ZNF407: variants seen among roughly 807,000 people sequenced by gnomAD.
The protein encoded by ZNF407 is zinc finger protein 407.
ZNF407 carries 17 observed loss-of-function variants against 131.2 expected under a neutral mutation model. The observed-to-expected ratio is 0.13, with a 90% confidence interval of 0.09 to 0.19. The LOEUF (loss-of-function observed/expected upper bound fraction) is 0.19. Among genes scored for constraint, ZNF407 ranks in the 10% least tolerant of loss-of-function variants. The pLI, the probability that ZNF407 is intolerant of heterozygous loss-of-function variation, is 1.00. For missense variants in ZNF407, 2,681 were observed against 2,830.6 expected, an observed-to-expected ratio of 0.95 and a Z score of 1.20; for synonymous variants, 1,156 against 1,062.0, an observed-to-expected ratio of 1.09 and a Z score of -1.72.
At chr18:74,750,975 T>C (rs1968787571) in intron 3 of ZNF407, among the ~76,000 whole-genome samples, 1 of 152,216 alleles carries the variant, frequency 6.6e-6, no homozygotes, top group African/African-American at 2.4e-5. Flanking sequence ...TTGCCTATTT[T>C]ATATATTTTA....
chr18:74,646,461 C>T (rs570688215), intron 3 of ZNF407, among the ~76,000 whole-genome samples: 6 of 152,068 alleles, frequency 3.9e-5, no homozygotes, highest in East Asian at 1.9e-4. Flanking sequence ...GTAAATGATA[C>T]GTTATATATT....
chr18:74,656,534 C>G (rs567828941), intron 3 of ZNF407, among the ~76,000 whole-genome samples: 1 of 152,030 alleles, frequency 6.6e-6, no homozygotes, highest in Non-Finnish European at 1.5e-5. Context: ...TCTGGCGTCA[C>G]GAACCTGGAC....
chr18:74,926,867 C>G (rs1443391872), intron 8 of ZNF407, among the ~76,000 whole-genome samples: 2 of 152,092 alleles, frequency 1.3e-5, no homozygotes, highest in Non-Finnish European at 2.9e-5. Context: ...TAACTATATG[C>G]CAGTATTCTT....
intron 4 of ZNF407, among the ~76,000 whole-genome samples, chr18:74,835,378 A>T (rs1431241159): frequency 1.3e-5 from 2 of 152,188 alleles, no homozygotes; most frequent in African/African-American, 4.8e-5. Flanking sequence ...CCCAGTGGTC[A>T]GTGTTGCACA....
intron 3 of ZNF407, among the ~76,000 whole-genome samples, chr18:74,713,317 C>A (rs1372033038): frequency 2.1e-5 from 3 of 145,078 alleles, no homozygotes; most frequent in Non-Finnish European, 4.5e-5. Context: ...TATTAAGGTA[C>A]TGAGTAAAAC....
intron 3 of ZNF407, among the ~76,000 whole-genome samples, chr18:74,665,359 G>C (rs1985889311): frequency 6.6e-6 from 1 of 152,212 alleles, no homozygotes; most frequent in Non-Finnish European, 1.5e-5. Context: ...CATGGTCCAA[G>C]GTAGCTGCTG....
rs776178195 is a variant in ZNF407 at position 74,633,600 on chromosome 18, A to G, written c.2581A>G (p.Ser861Gly). The G allele has an allele frequency of 2.5e-6, 4 of 1,614,070 alleles. No individual in the cohort carries two copies. Among genetic ancestry groups the G allele is most frequent in the Non-Finnish European group, 3.4e-6 (4 of 1,179,904 alleles). ...TCSHCGLLAS[S>G]ITNLTVHIRR... The stretch of plus-strand genomic sequence containing the variant: ...TTCACACTGTGGCCTTTTGGCCTCT[A>G]GTATTACAAACTTGACTGTTCACAT... The change falls in exon 2 of 9, where the codon AGT becomes GGT. Residue 861 changes from serine to glycine, a missense_variant. By Grantham distance (56) the Ser-to-Gly change is moderately conservative (BLOSUM62 0). Around this residue, in one of 6 missense-constraint regions of ZNF407, gnomAD observed 1,789 missense variants for 1,748.7 expected, o/e 1.02. Transcript: ENST00000299687.
At chr18:74,753,816 T>G (rs1968863569) in intron 3 of ZNF407, among the ~76,000 whole-genome samples, 1 of 150,920 alleles carries the variant, frequency 6.6e-6, no homozygotes, top group Admixed American at 6.6e-5. Context: ...AAAATTTCTC[T>G]TTTTTTTTGT....
chr18:74,989,607 T>C (rs1297962761), intron 8 of ZNF407, among the ~76,000 whole-genome samples: 3 of 152,090 alleles, frequency 2.0e-5, no homozygotes, highest in African/African-American at 4.8e-5. Flanking sequence ...TTTGGGAGGC[T>C]GAGGCAGGCA....
intron 8 of ZNF407, among the ~76,000 whole-genome samples, chr18:75,006,257 T>C (rs1347913260): frequency 2.0e-5 from 3 of 152,234 alleles, no homozygotes; most frequent in African/African-American, 7.2e-5. Flanking sequence ...GTATTGATCT[T>C]TCCTATTATA....
At chr18:74,822,120 G>T (rs561003241) in intron 4 of ZNF407, among the ~76,000 whole-genome samples, 30 of 152,030 alleles carry the variant, frequency 2.0e-4, no homozygotes, top group Admixed American at 1.6e-3. Flanking sequence ...TGATGGGGTT[G>T]TTTTTTTCTT....
At chr18:75,030,198 T>C (rs1973223784) in intron 8 of ZNF407, among the ~76,000 whole-genome samples, 2 of 152,232 alleles carry the variant, frequency 1.3e-5, no homozygotes, top group Admixed American at 1.3e-4. Context: ...ATCTTCACAT[T>C]GGAAATTTAA....
intron 4 of ZNF407, among the ~76,000 whole-genome samples, chr18:74,858,749 C>G (rs1970895299): frequency 6.6e-6 from 1 of 152,064 alleles, no homozygotes; most frequent in Non-Finnish European, 1.5e-5. Flanking sequence ...CAATAAATTT[C>G]TAGATTCAAG....
intron 3 of ZNF407, among the ~76,000 whole-genome samples, chr18:74,709,977 CA>C (rs1231261507): frequency 1.7e-4 from 26 of 152,024 alleles, no homozygotes; most frequent in African/African-American, 5.6e-4. Context: ...ATAGTTTAAA[CA>C]GTATATTTTT....
At chr18:74,820,269 G>T (rs7229038) in intron 4 of ZNF407, among the ~76,000 whole-genome samples, 1 of 152,150 alleles carries the variant, frequency 6.6e-6, no homozygotes, top group Non-Finnish European at 1.5e-5. Flanking sequence ...CTTGGAGCAG[G>T]CCCCACAGGC....
chr18:74,673,510 G>C (rs965430242), intron 3 of ZNF407, among the ~76,000 whole-genome samples: 5 of 152,208 alleles, frequency 3.3e-5, no homozygotes, highest in Non-Finnish European at 5.9e-5. Context: ...AGAAGAGCAA[G>C]ATCCTTAATT....
At chr18:75,034,113 CAT>C (rs1166416607) in intron 8 of ZNF407, among the ~76,000 whole-genome samples, 1 of 152,104 alleles carries the variant, frequency 6.6e-6, no homozygotes, top group Non-Finnish European at 1.5e-5. Flanking sequence ...GTTATACACA[CAT>C]ATCAGCGTTC....
intron 4 of ZNF407, among the ~76,000 whole-genome samples, chr18:74,798,500 G>GT (rs1448870320): frequency 6.6e-6 from 1 of 152,086 alleles, no homozygotes; most frequent in East Asian, 1.9e-4. Flanking sequence ...TTTCATTTCA[G>GT]TGGTGTGGCA....
chr18:74,946,835 C>CAGCT (rs138877053), intron 8 of ZNF407, among the ~76,000 whole-genome samples: 3,962 of 152,210 alleles, frequency 0.026, 185 homozygotes, highest in African/African-American at 0.089. Flanking sequence ...TATCTTTGAA[C>CAGCT]AGCTGATCAT....
Sources: allele counts gnomAD v4.1 joint callset (sites outside exome capture counted in the v4.1 genomes callset), GRCh38; gene constraint gnomAD v4.1.1; regional missense constraint gnomAD v4.1.1; transcripts MANE v1.5; gene names NCBI Gene and HGNC (gene_info 2026-07-23, HGNC 2026-07-21).